The following CLSTN2 variants were observed in gnomAD, a reference collection of about 807,000 sequenced individuals.
CLSTN2 encodes calsyntenin 2, also known as calsyntenin-2.
Under a neutral mutation model 101.2 loss-of-function variants are expected in CLSTN2, and 48 were observed. The observed-to-expected ratio is 0.47, with a 90% confidence interval of 0.38 to 0.60. The LOEUF (loss-of-function observed/expected upper bound fraction) is 0.60, where lower values mean the gene tolerates loss of function less well. CLSTN2 is among the 20% of genes least tolerant of loss of function. CLSTN2 has a pLI of 0.00. For missense variants in CLSTN2, 1,160 were observed against 1,238.2 expected (o/e 0.94, Z 0.95); for synonymous variants, 481 against 463.6 (o/e 1.04, Z -0.48).
chr3:140,461,121 A>C (rs1316712406), intron 7 of CLSTN2: 1 of 152,254 alleles, frequency 6.6e-6, no homozygotes, highest in Admixed American at 6.5e-5. Context: ...ACACTGCTAC[A>C]AGAACGCCAC....
intron 2 of CLSTN2, among the ~76,000 whole-genome samples, chr3:140,265,010 G>A (rs2107885632): frequency 6.6e-6 from 1 of 152,238 alleles, no homozygotes; most frequent in Non-Finnish European, 1.5e-5. Context: ...AGTATTGAGT[G>A]TGTGCTGGCC....
chr3:140,346,064 C>G (rs928744369), intron 2 of CLSTN2, among the ~76,000 whole-genome samples: 3 of 152,182 alleles, frequency 2.0e-5, no homozygotes, highest in Admixed American at 2.0e-4. Context: ...CAAATCAATA[C>G]ACAGAATATG....
intron 4 of CLSTN2, among the ~76,000 whole-genome samples, chr3:140,416,599 G>A (rs754280847): frequency 6.6e-6 from 1 of 152,232 alleles, no homozygotes; most frequent in Non-Finnish European, 1.5e-5. Context: ...GTATGTGTGT[G>A]TCTGTGTGGT....
chr3:139,986,837 C>A (rs142102810), intron 1 of CLSTN2, among the ~76,000 whole-genome samples: 138 of 152,290 alleles, frequency 9.1e-4, no homozygotes, highest in African/African-American at 3.2e-3. Context: ...TTGTCTTCAC[C>A]ATCCATTGTA....
At chr3:140,198,320 C>T (rs1487766446) in intron 2 of CLSTN2, among the ~76,000 whole-genome samples, 3 of 152,206 alleles carry the variant, frequency 2.0e-5, no homozygotes, top group Non-Finnish European at 4.4e-5. Context: ...AAGCATCACA[C>T]ATTTAGTGGC....
chr3:140,205,453 G>C (rs1179814571), intron 2 of CLSTN2, among the ~76,000 whole-genome samples: 2 of 152,186 alleles, frequency 1.3e-5, no homozygotes, highest in Admixed American at 6.5e-5. Context: ...ACACCTTGAA[G>C]TAGGAGTTTA....
chr3:140,512,759 T>C (rs1934840082), intron 8 of CLSTN2, among the ~76,000 whole-genome samples: 1 of 152,214 alleles, frequency 6.6e-6, no homozygotes, highest in Admixed American at 6.5e-5. Context: ...AGAATGTCTT[T>C]CCATTTGTTT....
At chr3:140,141,550 A>G (rs58796461) in intron 1 of CLSTN2, among the ~76,000 whole-genome samples, 24,644 of 152,230 alleles carry the variant, frequency 0.16, 5,972 homozygotes, top group African/African-American at 0.53. Flanking sequence ...ATAGCAAGCC[A>G]GACAACCCCT....
At chr3:139,997,503 T>C (rs1298003387) in intron 1 of CLSTN2, among the ~76,000 whole-genome samples, 1 of 152,210 alleles carries the variant, frequency 6.6e-6, no homozygotes, top group Non-Finnish European at 1.5e-5. Flanking sequence ...ACATTAAAGT[T>C]CCATGTATAT....
At chr3:140,443,875 G>T (rs1933018993) in intron 5 of CLSTN2, among the ~76,000 whole-genome samples, 1 of 152,202 alleles carries the variant, frequency 6.6e-6, no homozygotes, top group Non-Finnish European at 1.5e-5. Context: ...TAAGATGACA[G>T]CAGCTTTGCT....
chr3:140,520,670 C>T (rs1426907423), intron 8 of CLSTN2, among the ~76,000 whole-genome samples: 2 of 152,160 alleles, frequency 1.3e-5, no homozygotes, highest in African/African-American at 2.4e-5. Context: ...GAGTATCACC[C>T]TGGGGTTCTC....
At chr3:139,957,532 A>T (rs1024576824) in intron 1 of CLSTN2, among the ~76,000 whole-genome samples, 1 of 151,932 alleles carries the variant, frequency 6.6e-6, no homozygotes, top group African/African-American at 2.4e-5. Context: ...GGTTTATTAG[A>T]TAATGAGCTA....
chr3:140,379,281 G>A (rs556190273), intron 2 of CLSTN2, among the ~76,000 whole-genome samples: 1 of 152,268 alleles, frequency 6.6e-6, no homozygotes, highest in Non-Finnish European at 1.5e-5. Context: ...CAAGAAAGGA[G>A]GACACAATCT....
chr3:140,298,083 C>G (rs2087021035), intron 2 of CLSTN2, among the ~76,000 whole-genome samples: 1 of 152,150 alleles, frequency 6.6e-6, no homozygotes. Context: ...CTGCTATGTG[C>G]TAGGCATTGT....
chr3:140,284,218 A>G (rs754129729), intron 2 of CLSTN2, among the ~76,000 whole-genome samples: 1 of 152,206 alleles, frequency 6.6e-6, no homozygotes, highest in Non-Finnish European at 1.5e-5. Flanking sequence ...AGAATTTCCT[A>G]TATTTTAAAA....
chr3:140,265,419 G>A (rs906833916), intron 2 of CLSTN2, among the ~76,000 whole-genome samples: 6 of 152,136 alleles, frequency 3.9e-5, no homozygotes, highest in African/African-American at 1.4e-4. Flanking sequence ...GAGGAGAGAA[G>A]GCTCAGAGAC....
intron 1 of CLSTN2, among the ~76,000 whole-genome samples, chr3:140,108,450 T>A (rs1467856438): frequency 1.3e-5 from 2 of 152,170 alleles, no homozygotes; most frequent in African/African-American, 4.8e-5. Context: ...AATCCACCCC[T>A]CCCTGCCTCT....
intron 1 of CLSTN2, among the ~76,000 whole-genome samples, chr3:139,952,856 C>T (rs971258489): frequency 2.0e-5 from 3 of 152,126 alleles, no homozygotes; most frequent in Non-Finnish European, 4.4e-5. Flanking sequence ...CCCCAGGATG[C>T]AATGGTTTTG....
Position 140,459,631 on chromosome 3 carries a change from C to A in CLSTN2, c.1084C>A (p.Gln362Lys), listed in dbSNP as rs575644388. 44 of 1,614,148 alleles carry A rather than the reference C, an allele frequency of 2.7e-5. 1 individual carries two copies. The South Asian group carries it at 4.7e-4, about 17-fold the overall frequency. The change falls in exon 7 of 17, where the codon CAG (glutamine) becomes AAG (lysine). Residue 362 changes from glutamine (Q) to lysine (K), a missense_variant. Transcript: ENST00000458420. The stretch of plus-strand genomic sequence containing the variant: ...GATGATCTTCAAGTTTGACGGCAGG[C>A]AGGGTGCCAAAGTCCCCGATGGGAT... ...SEMIFKFDGR[Q>K]GAKVPDGIVP...
Sources: gnomAD v4.1 joint callset for allele counts (sites outside exome capture counted in the v4.1 genomes callset) on GRCh38, gnomAD v4.1.1 for gene constraint, MANE v1.5 for transcripts, NCBI Gene and HGNC (gene_info 2026-07-23, HGNC 2026-07-21) for gene names.